Variants in SBF2 observed in about 807,000 individuals in gnomAD.
SBF2 encodes SET binding factor 2.
Under a neutral mutation model 225.2 loss-of-function variants are expected in SBF2, and 112 were observed. The observed-to-expected ratio is 0.50, with a 90% CI of 0.43 to 0.58. The LOEUF (loss-of-function observed/expected upper bound fraction) is 0.58. Ranked by LOEUF, SBF2 falls within the 20% of genes least tolerant of loss-of-function variation. The pLI, the probability that SBF2 is intolerant of heterozygous loss-of-function variation, is 0.00. For synonymous variants in SBF2, 763 were observed against 773.3 expected, an observed-to-expected ratio of 0.99 and a Z score of 0.22; for missense variants, 1,996 against 2,206.2, an observed-to-expected ratio of 0.90 and a Z score of 1.91.
chr11:10,195,594 A>G (rs1957327242), intron 1 of SBF2, among the ~76,000 whole-genome samples: 1 of 152,180 alleles, frequency 6.6e-6, no homozygotes, highest in South Asian at 2.1e-4. Flanking sequence ...ATCATCCACT[A>G]TGATTTCTCA....
chr11:10,102,675 G>T (rs1004525927), intron 2 of SBF2, among the ~76,000 whole-genome samples: 1 of 152,136 alleles, frequency 6.6e-6, no homozygotes, highest in Non-Finnish European at 1.5e-5. Flanking sequence ...GTATAAGCAA[G>T]TTGGCTAAGG....
chr11:9,779,954 C>T lies in SBF2; in HGVS notation c.*464G>A. 1 of 240,988 alleles carries T rather than the reference C, an allele frequency of 4.1e-6. No individual in the cohort carries two copies. Among genetic ancestry groups the T allele is most frequent in the East Asian group, 9.2e-5 (1 of 10,860 alleles). The allele number at this position is 240,988 out of a possible 1,614,324, so 14.9% of individuals were successfully genotyped here. A position where few individuals can be genotyped will look rare whatever the true frequency, so the allele number is the denominator to read the frequency against. ...TGAGCATCTCAAAGGTCAGGCATTA[C>T]AAGTAGATGTCTCTCATAGGAAACC... On this transcript the variant is annotated 3_prime_UTR_variant, in exon 40 of 40. Coordinates refer to ENST00000256190, the MANE Select transcript of SBF2 (RefSeq NM_030962.4).
chr11:10,280,201 T>G (rs921765987), intron 1 of SBF2, among the ~76,000 whole-genome samples: 5 of 152,224 alleles, frequency 3.3e-5, no homozygotes, highest in Admixed American at 2.6e-4. Context: ...TTAGGGATAC[T>G]CAACCTGTAT....
chr11:9,875,496 G>A (rs1466122439), intron 17 of SBF2, among the ~76,000 whole-genome samples: 3 of 152,176 alleles, frequency 2.0e-5, no homozygotes, highest in African/African-American at 4.8e-5. Flanking sequence ...CAGGCCTGAG[G>A]ATACCTTTAC....
intron 38 of SBF2, among the ~76,000 whole-genome samples, chr11:9,783,601 G>C (rs1852176312): frequency 1.3e-5 from 2 of 152,326 alleles, no homozygotes; most frequent in South Asian, 4.1e-4. Flanking sequence ...GGTAGGAACT[G>C]CTCTCCCTTG....
chr11:10,260,441 G>A (rs1175603265), intron 1 of SBF2, among the ~76,000 whole-genome samples: 1 of 152,030 alleles, frequency 6.6e-6, no homozygotes, highest in Non-Finnish European at 1.5e-5. Flanking sequence ...TACAGGTCGG[G>A]CACGGTGGCT....
intron 33 of SBF2, among the ~76,000 whole-genome samples, chr11:9,794,294 TTTACTCCCAATATTTG>T (rs943975278): frequency 6.6e-6 from 1 of 152,138 alleles, no homozygotes; most frequent in African/African-American, 2.4e-5. Flanking sequence ...ATACCTGCGT[TTTACTCCCAATATTTG>T]TACATGTTGT....
chr11:10,017,786 A>G (rs1372544496), intron 6 of SBF2, among the ~76,000 whole-genome samples: 1 of 152,214 alleles, frequency 6.6e-6, no homozygotes, highest in Non-Finnish European at 1.5e-5. Flanking sequence ...GAGACTAAAT[A>G]TAAGAAGTCA....
rs1330773463 is a variant in SBF2 at position 9,808,893 on chromosome 11, T to C, written c.4257+8A>G. The C allele has an allele frequency of 6.3e-7, 1 of 1,581,574 alleles. No homozygotes were observed. Among genetic ancestry groups the C allele is most frequent in the Middle Eastern group, 1.7e-4 (1 of 5,988 alleles). Reference sequence around the variant, plus strand: ...ATAAAATATCAAAAAATATGTCTAATAGTTTACTTGTGCAGTGATGTCCCA... The same window carrying C: ...ATAAAATATCAAAAAATATGTCTAACAGTTTACTTGTGCAGTGATGTCCCA... On this transcript the variant is annotated splice_region_variant and intron_variant, in intron 31 of 39. Transcript: ENST00000256190.
intron 17 of SBF2, among the ~76,000 whole-genome samples, chr11:9,865,067 T>C (rs1291381309): frequency 6.6e-6 from 1 of 152,134 alleles, no homozygotes; most frequent in Non-Finnish European, 1.5e-5. Flanking sequence ...TGCATTACCA[T>C]GCCTGGCTAA....
At chr11:10,059,517 G>C (rs957436786) in intron 2 of SBF2, among the ~76,000 whole-genome samples, 12 of 152,016 alleles carry the variant, frequency 7.9e-5, no homozygotes, top group Non-Finnish European at 1.5e-4. Context: ...ACTCAGCATT[G>C]GACCAAATGG....
intron 30 of SBF2, chr11:9,810,477 T>C (rs2133900987): frequency 6.6e-6 from 1 of 152,302 alleles, no homozygotes; most frequent in Admixed American, 6.5e-5. Context: ...ATTTTAATGA[T>C]CATCAGACAT....
At chr11:10,260,231 T>C (rs1410123182) in intron 1 of SBF2, among the ~76,000 whole-genome samples, 1 of 152,202 alleles carries the variant, frequency 6.6e-6, no homozygotes, top group Admixed American at 6.5e-5. Flanking sequence ...AATAAGACTA[T>C]TACTCATCTT....
At chr11:10,028,709 T>G (rs1331632023) in intron 5 of SBF2, 152 bp from the exon 6 acceptor site, 1 of 652,106 alleles carries the variant, frequency 1.5e-6, no homozygotes, top group African/African-American at 1.8e-5. Context: ...CCCAAAACAT[T>G]TAAGTTCTTT....
chr11:10,060,190 G>A (rs1950382196), intron 2 of SBF2, among the ~76,000 whole-genome samples: 1 of 152,112 alleles, frequency 6.6e-6, no homozygotes, highest in African/African-American at 2.4e-5. Flanking sequence ...AAATGGCAAA[G>A]GGGATGTTAC....
At chr11:9,992,600 C>A (rs1158576432) in intron 11 of SBF2, 57 bp from the exon 12 acceptor site, 2 of 1,528,144 alleles carry the variant, frequency 1.3e-6, no homozygotes, top group East Asian at 2.3e-5. Context: ...GACAAATGGT[C>A]AAAACAGAAA....
chr11:9,971,523 T>C (rs1416214778), intron 13 of SBF2, among the ~76,000 whole-genome samples: 2 of 151,566 alleles, frequency 1.3e-5, no homozygotes, highest in Non-Finnish European at 2.9e-5. Context: ...TACAAAAAAA[T>C]AAAAAATTAG....
At chr11:10,256,484 C>T (rs1198163226) in intron 1 of SBF2, among the ~76,000 whole-genome samples, 3 of 152,176 alleles carry the variant, frequency 2.0e-5, no homozygotes, top group African/African-American at 7.2e-5. Context: ...GATGCCAGTT[C>T]CTGGTCCAGG....
chr11:10,221,432 C>T (rs4910101), intron 1 of SBF2, among the ~76,000 whole-genome samples: 95,251 of 152,054 alleles, frequency 0.63, 30,805 homozygotes, highest in East Asian at 0.97. Flanking sequence ...CTGTTACTTC[C>T]TAAGAGCTGT....
Sources: allele counts gnomAD v4.1 joint callset (sites outside exome capture counted in the v4.1 genomes callset), GRCh38; gene constraint gnomAD v4.1.1; transcripts MANE v1.5; gene names NCBI Gene and HGNC (gene_info 2026-07-23, HGNC 2026-07-21).